The following ARFGEF3 variants were observed in gnomAD, a reference collection of about 807,000 sequenced individuals.
ARFGEF3 encodes ARFGEF family member 3.
Under a neutral mutation model 221.7 loss-of-function variants are expected in ARFGEF3, and 96 were observed. The observed-to-expected ratio is 0.43, with a 90% confidence interval of 0.37 to 0.51. ARFGEF3 has a LOEUF of 0.51. ARFGEF3 is among the 20% of genes least tolerant of loss of function. ARFGEF3 has a pLI of 0.00. For synonymous variants in ARFGEF3, 1,145 were observed against 1,126.8 expected (o/e 1.02, Z -0.32); for missense variants, 2,410 against 2,789.9 (o/e 0.86, Z 3.07).
intron 2 of ARFGEF3, among the ~76,000 whole-genome samples, chr6:138,183,217 G>A (rs1777115908): frequency 6.6e-6 from 1 of 152,096 alleles, no homozygotes; most frequent in Non-Finnish European, 1.5e-5. Flanking sequence ...AGGTGGGAGG[G>A]CTGCTGGATT....
intron 15 of ARFGEF3, 61 bp downstream of exon 15, chr6:138,286,114 C>A: frequency 1.0e-6 from 1 of 1,002,634 alleles, no homozygotes; most frequent in Non-Finnish European, 1.6e-6. Context: ...CCAGCAATTA[C>A]ATTGTTATGT....
chr6:138,286,816 G>C lies in ARFGEF3; in HGVS notation c.2685G>C (p.Leu895=). 1 of 1,614,014 alleles carries C rather than the reference G, an allele frequency of 6.2e-7. No homozygotes were observed. The highest frequency in any genetic ancestry group is 1.1e-5 in the South Asian group (1 of 91,082). ...AGSSKGLAFI[L]GAEGIKEQNQ... ...GCTCCAAAGGGCTGGCCTTCATTCT[G>C]GGAGCTGAAGGCATCAAAGAGCAGA... Residue 895 remains leucine, a synonymous_variant, in exon 16 of 34, where the codon CTG becomes CTC. Coordinates refer to ENST00000251691, the MANE Select transcript of ARFGEF3 (RefSeq NM_020340.5).
At chr6:138,313,459 T>A (rs1450423525) in intron 25 of ARFGEF3, among the ~76,000 whole-genome samples, 1 of 152,236 alleles carries the variant, frequency 6.6e-6, no homozygotes, top group South Asian at 2.1e-4. Context: ...AGAACACTTA[T>A]TCGCTTAGGC....
Position 138,336,308 on chromosome 6 carries a change from T to C in ARFGEF3, c.6356T>C (p.Met2119Thr), listed in dbSNP as rs1415909262. 1.3e-6 allele frequency: 2 copies of C among 1,569,670 alleles called. No homozygotes were observed. The highest frequency in any genetic ancestry group is 2.4e-5 in the South Asian group (2 of 84,512). Residue 2119 changes from methionine (M) to threonine (T), a missense_variant, in exon 34 of 34, where the codon ATG becomes ACG. Physicochemically the swap from Met to Thr is moderately conservative, Grantham distance 81. Around this residue, in one of 5 missense-constraint regions of ARFGEF3, gnomAD observed 339 missense variants for 334.9 expected, o/e 1.01. Coordinates refer to ENST00000251691, the MANE Select transcript of ARFGEF3 (RefSeq NM_020340.5). The stretch of plus-strand genomic sequence containing the variant: ...CTTTTCTCTTAGGCATGGACCAACA[T>C]GGTGCTAACAGTTCTCAATCAGATT... ...AEAQIQAWTN[M>T]VLTVLNQIQI...
chr6:138,328,148 T>C lies in ARFGEF3; in HGVS notation c.5123+6T>C. On this transcript the variant is annotated splice_donor_region_variant and intron_variant, in intron 32 of 33. Coordinates refer to ENST00000251691, the MANE Select transcript of ARFGEF3 (RefSeq NM_020340.5). ...AATGGACACACCAAGAAAAGGTAAG[T>C]ACCTAAATCTCAACTCATAGGGTGC... 1 of 1,591,248 alleles carries C rather than the reference T, an allele frequency of 6.3e-7. No homozygotes were observed.
intron 2 of ARFGEF3, among the ~76,000 whole-genome samples, chr6:138,173,344 T>G (rs1776878384): frequency 6.6e-6 from 1 of 152,240 alleles, no homozygotes; most frequent in Non-Finnish European, 1.5e-5. Context: ...TAACATTTTC[T>G]TAGTGACTAC....
chr6:138,234,791 A>G (rs370727584), intron 5 of ARFGEF3, among the ~76,000 whole-genome samples: 44 of 152,304 alleles, frequency 2.9e-4, no homozygotes, highest in East Asian at 1.9e-3. Flanking sequence ...TCATCCTTAT[A>G]AAAGTTTCCC....
intron 4 of ARFGEF3, 75 bp from the exon 5 acceptor site, chr6:138,229,709 A>G: frequency 8.9e-7 from 1 of 1,129,924 alleles, no homozygotes; most frequent in Non-Finnish European, 1.3e-6. Context: ...GACTGCACAA[A>G]TGGCATATGA....
At chr6:138,248,247 A>T (rs1778519995) in intron 8 of ARFGEF3, among the ~76,000 whole-genome samples, 1 of 152,164 alleles carries the variant, frequency 6.6e-6, no homozygotes, top group Non-Finnish European at 1.5e-5. Flanking sequence ...ATTGGCTTTC[A>T]TCCTGTTCCA....
At chr6:138,176,345 GC>G (rs974604174) in intron 2 of ARFGEF3, among the ~76,000 whole-genome samples, 1 of 151,866 alleles carries the variant, frequency 6.6e-6, no homozygotes, top group African/African-American at 2.4e-5. Flanking sequence ...ACCACACCCG[GC>G]CAATTTTTGT....
At chr6:138,202,908 A>C (rs1162700002) in intron 2 of ARFGEF3, among the ~76,000 whole-genome samples, 13 of 152,062 alleles carry the variant, frequency 8.5e-5, no homozygotes, top group South Asian at 4.2e-4. Context: ...ACACACCCAC[A>C]CACACACACA....
intron 5 of ARFGEF3, among the ~76,000 whole-genome samples, chr6:138,232,704 C>A (rs1212880480): frequency 6.6e-6 from 1 of 152,056 alleles, no homozygotes; most frequent in African/African-American, 2.4e-5. Context: ...TCCATCCAGC[C>A]AGCCCTCCAT....
Position 138,162,588 on chromosome 6 carries a change from G to T in ARFGEF3, c.85+417G>T, listed in dbSNP as rs1225873921. 6.6e-6 allele frequency among the ~76,000 whole-genome samples: 1 copy of T among 152,226 alleles called. No individual in the cohort carries two copies. Among genetic ancestry groups the T allele is most frequent in the Non-Finnish European group, 1.5e-5 (1 of 68,048 alleles). Reference sequence around the variant, plus strand: ...AATCCTTGGCGAGTGGAACCAGGAAGGAAAGGCTTGTTTAATTTGATTTTC... The same window carrying T: ...AATCCTTGGCGAGTGGAACCAGGAATGAAAGGCTTGTTTAATTTGATTTTC... On this transcript the variant is annotated intron_variant, in intron 1 of 33. Transcript: ENST00000251691. The surrounding 1 kb of genome is among the most constrained non-coding windows in gnomAD (Gnocchi z 4.7).
intron 10 of ARFGEF3, among the ~76,000 whole-genome samples, chr6:138,256,373 A>G (rs548489554): frequency 6.6e-6 from 1 of 152,302 alleles, no homozygotes; most frequent in South Asian, 2.1e-4. Context: ...TCTCTCAAAG[A>G]ACCAAACAGA....
Position 138,291,792 on chromosome 6 carries a change from C to A in ARFGEF3, c.3107C>A (p.Pro1036His). The change falls in exon 19 of 34, where the codon CCC becomes CAC. Residue 1036 changes from proline to histidine, a missense_variant. Transcript: ENST00000251691. This position sits in a 1 kb window ranked among gnomAD's most constrained non-coding sequence, Gnocchi z 4.5. ...HNHFSDGASQPPLTISQPQKA... is the reference protein window; with the variant it reads ...HNHFSDGASQHPLTISQPQKA... The stretch of plus-strand genomic sequence containing the variant: ...CACTTCAGCGATGGTGCCTCGCAGC[C>A]CCCTCTGACCATCAGCCAGCCCCAG... The A allele has an allele frequency of 6.8e-7, 1 of 1,470,934 alleles. No homozygotes were observed. The highest frequency in any genetic ancestry group is 2.6e-5 in the East Asian group (1 of 38,906). 91.1% of individuals were successfully genotyped at this position (1,470,934 alleles called of 1,614,324 possible).
chr6:138,328,253 G>A, intron 32 of ARFGEF3, 111 bp downstream of exon 32: 1 of 1,279,826 alleles, frequency 7.8e-7, no homozygotes, highest in Non-Finnish European at 1.0e-6. Context: ...GAAAACATTT[G>A]TGGAGTCATT....
chr6:138,181,045 G>A (rs1562344594), intron 2 of ARFGEF3, among the ~76,000 whole-genome samples: 1 of 152,108 alleles, frequency 6.6e-6, no homozygotes, highest in Non-Finnish European at 1.5e-5. Context: ...TGCGTCTGTG[G>A]GCTATCTGCC....
intron 2 of ARFGEF3, among the ~76,000 whole-genome samples, chr6:138,203,753 G>A (rs1777578378): frequency 6.6e-6 from 1 of 152,090 alleles, no homozygotes; most frequent in African/African-American, 2.4e-5. Context: ...TGATTCTCCT[G>A]CCTCAGCCTC....
chr6:138,178,311 A>G (rs959803585), intron 2 of ARFGEF3, among the ~76,000 whole-genome samples: 2 of 152,174 alleles, frequency 1.3e-5, no homozygotes, highest in African/African-American at 2.4e-5. Flanking sequence ...AGGTGTTTGA[A>G]TAAGTAGCCC....
Sources: gnomAD v4.1 joint callset for allele counts (sites outside exome capture counted in the v4.1 genomes callset) on GRCh38, gnomAD v4.1.1 for gene constraint, gnomAD v4.1.1 regional missense constraint, Gnocchi (gnomAD v3.1) non-coding constraint, MANE v1.5 for transcripts, NCBI Gene and HGNC (gene_info 2026-07-23, HGNC 2026-07-21) for gene names.